ZNF2: variants seen among roughly 807,000 people sequenced by gnomAD.
The protein encoded by ZNF2 is zinc finger protein 2.2.
A neutral mutation model predicts 21.9 loss-of-function variants in ZNF2; 12 were observed. The ratio of observed to expected loss-of-function variants is 0.55; its 90% CI spans 0.35 to 0.89. The LOEUF is 0.89. ZNF2 is among the 40% of genes least tolerant of loss of function. The probability of loss-of-function intolerance (pLI) is 0.01; values close to 1 mark genes in which losing one functional copy is unlikely to be tolerated. For synonymous variants in ZNF2, 186 were observed against 196.3 expected (o/e 0.95, Z 0.44); for missense variants, 462 against 544.2 (o/e 0.85, Z 1.50).
At chr2:95,166,582 C>T (rs1228711284) in intron 1 of ZNF2, among the ~76,000 whole-genome samples, 1 of 151,986 alleles carries the variant, frequency 6.6e-6, no homozygotes, top group African/African-American at 2.4e-5. Flanking sequence ...GGGGAAAGGA[C>T]CAGTAGCAGA....
Position 95,181,083 on chromosome 2 carries a change from C to T in ZNF2, c.275-20C>T. 2 of 1,600,722 alleles carry T rather than the reference C, an allele frequency of 1.2e-6. No homozygotes were observed. Among genetic ancestry groups the T allele is most frequent in the Non-Finnish European group, 1.7e-6 (2 of 1,174,340 alleles). On this transcript the variant is annotated intron_variant, in intron 4 of 4. Coordinates refer to ENST00000614034, the MANE Select transcript of ZNF2 (RefSeq NM_021088.4). ...TCCTAGCCCAGGAAAAAAACTGCAT[C>T]TGTTTTCTGTTTGTTCCAGACTGGG...
At position 95,176,192 on chromosome 2, in the gene ZNF2, C is replaced by G. The variant is rs1476962500; in HGVS notation, c.-35C>G. On this transcript the variant is annotated 5_prime_UTR_variant, in exon 2 of 5. Coordinates refer to ENST00000614034, the MANE Select transcript of ZNF2 (RefSeq NM_021088.4). ...CCCCCACTTCTGCCTCATTAGGACT[C>G]TGCCCTTGTCCACAAGGAGAGCACA... The G allele has an allele frequency of 6.2e-7, 1 of 1,614,140 alleles. No individual in the cohort carries two copies. Among genetic ancestry groups the G allele is most frequent in the South Asian group, 1.1e-5 (1 of 91,082 alleles).
intron 2 of ZNF2, among the ~76,000 whole-genome samples, chr2:95,176,498 T>A (rs150034027): frequency 2.0e-5 from 3 of 152,180 alleles, no homozygotes; most frequent in African/African-American, 7.2e-5. Flanking sequence ...CTGTGAGTGA[T>A]TTTGCCTAGA....
At chr2:95,175,345 G>A (rs1674404485) in intron 1 of ZNF2, among the ~76,000 whole-genome samples, 1 of 152,196 alleles carries the variant, frequency 6.6e-6, no homozygotes, top group African/African-American at 2.4e-5. Flanking sequence ...GTGGTGCTAG[G>A]CGAGGTGAGG....
chr2:95,181,162 A>G lies in ZNF2; in HGVS notation c.334A>G (p.Arg112Gly), dbSNP rs1158938734. Residue 112 changes from arginine (R) to glycine (G), a missense_variant, in exon 5 of 5, where the codon AGG becomes GGG. Coordinates refer to ENST00000614034, the MANE Select transcript of ZNF2 (RefSeq NM_021088.4). ...ASDKKSEGSL[R>G]ECLGRQSPLC... ...AGACAAAAAATCAGAAGGATCATTG[A>G]GGGAATGCCTTGGAAGGCAAAGTCC... 6.2e-7 allele frequency: 1 copy of G among 1,614,110 alleles called. No homozygotes were observed. The highest frequency in any genetic ancestry group is 8.5e-7 in the Non-Finnish European group (1 of 1,180,040).
At position 95,181,537 on chromosome 2, in the gene ZNF2, G is replaced by A; in HGVS notation, c.709G>A (p.Ala237Thr). ...CTACGAGTGCAGTGTGTGCTCAAAA[G>A]CCTTCTTTGACCGTTCGTCCCTAAC... ...SPYECSVCSKAFFDRSSLTVH... is the reference protein window; with the variant it reads ...SPYECSVCSKTFFDRSSLTVH... The change falls in exon 5 of 5, where the codon GCC becomes ACC. Residue 237 changes from alanine to threonine, a missense_variant. By Grantham distance (58) the Ala-to-Thr change is moderately conservative (BLOSUM62 0). Coordinates refer to ENST00000614034, the MANE Select transcript of ZNF2 (RefSeq NM_021088.4). 6.2e-7 allele frequency: 1 copy of A among 1,614,190 alleles called. No homozygotes were observed.
intron 4 of ZNF2, 92 bp from the exon 5 acceptor site, chr2:95,181,011 T>C (rs1674619167): frequency 6.9e-7 from 1 of 1,440,694 alleles, no homozygotes; most frequent in South Asian, 1.3e-5. Flanking sequence ...GCAGTGACCA[T>C]ACATTACTTT....
intron 3 of ZNF2, among the ~76,000 whole-genome samples, chr2:95,178,993 G>GTTTTTTTTT (rs368069255): frequency 1.1e-4 from 14 of 130,460 alleles, no homozygotes; most frequent in Non-Finnish European, 1.3e-4. Flanking sequence ...GGTTTTTTTT[G>GTTTTTTTTT]TTTTTTTTTT....
intron 4 of ZNF2, 35 bp downstream of exon 4, chr2:95,180,307 GT>G (rs1674596836): frequency 3.3e-6 from 5 of 1,495,254 alleles, no homozygotes; most frequent in Non-Finnish European, 4.6e-6. Context: ...ATGGAATTTT[GT>G]TTGGCTTTTT....
intron 3 of ZNF2, among the ~76,000 whole-genome samples, chr2:95,179,366 G>A (rs1164481976): frequency 2.0e-5 from 3 of 152,220 alleles, no homozygotes; most frequent in Non-Finnish European, 4.4e-5. Context: ...AAAATACACT[G>A]TAGGCAAGGT....
intron 1 of ZNF2, among the ~76,000 whole-genome samples, chr2:95,169,641 T>C (rs1250349216): frequency 6.6e-6 from 1 of 151,990 alleles, no homozygotes; most frequent in African/African-American, 2.4e-5. Flanking sequence ...TCCCAGCTAC[T>C]CAGGAGGCTG....
At chr2:95,170,038 G>T (rs1348046272) in intron 1 of ZNF2, among the ~76,000 whole-genome samples, 2 of 152,150 alleles carry the variant, frequency 1.3e-5, no homozygotes, top group Non-Finnish European at 2.9e-5. Flanking sequence ...TTGATTTCAG[G>T]CAGTCTGTCT....
At chr2:95,167,920 G>A (rs1674138638) in intron 1 of ZNF2, among the ~76,000 whole-genome samples, 1 of 152,084 alleles carries the variant, frequency 6.6e-6, no homozygotes, top group Admixed American at 6.5e-5. Flanking sequence ...GAAAAACAGG[G>A]ACTGGAGAAG....
intron 1 of ZNF2, among the ~76,000 whole-genome samples, chr2:95,174,154 G>A (rs1674367206): frequency 6.6e-6 from 1 of 152,220 alleles, no homozygotes; most frequent in Admixed American, 6.5e-5. Flanking sequence ...TGCTTAGGAA[G>A]TGCCCTGGAA....
chr2:95,173,367 A>C (rs1033505416), intron 1 of ZNF2, among the ~76,000 whole-genome samples: 2 of 152,208 alleles, frequency 1.3e-5, no homozygotes, highest in Non-Finnish European at 2.9e-5. Flanking sequence ...TCTTCTCCCC[A>C]GTGACTTGTA....
At chr2:95,168,458 G>A (rs1204520517) in intron 1 of ZNF2, among the ~76,000 whole-genome samples, 1 of 152,008 alleles carries the variant, frequency 6.6e-6, no homozygotes, top group Admixed American at 6.6e-5. Context: ...GGAAGTGCAG[G>A]GACAAATTCT....
At chr2:95,178,769 C>T (rs985937314) in intron 3 of ZNF2, among the ~76,000 whole-genome samples, 1 of 152,140 alleles carries the variant, frequency 6.6e-6, no homozygotes, top group Non-Finnish European at 1.5e-5. Flanking sequence ...GTTCATCACA[C>T]TATTGTTTGT....
chr2:95,181,780 T>C lies in ZNF2; in HGVS notation c.952T>C (p.Cys318Arg), dbSNP rs760202552. ...CAGGAAGCCTTATGAGTGTAACGAG[T>C]GCGGGAAAGCTTTCTATGGTGTCTC... ...TGRKPYECNE[C>R]GKAFYGVSSL... Residue 318 changes from cysteine to arginine, a missense_variant, in exon 5 of 5, where the codon TGC (cysteine) becomes CGC (arginine). By Grantham distance (180) the Cys-to-Arg change is radical. Transcript: ENST00000614034. 9.9e-6 allele frequency: 16 copies of C among 1,614,040 alleles called. No homozygotes were observed. The highest frequency in any genetic ancestry group is 1.4e-5 in the Non-Finnish European group (16 of 1,180,008).
chr2:95,172,838 T>G (rs555527922), intron 1 of ZNF2, among the ~76,000 whole-genome samples: 1 of 152,100 alleles, frequency 6.6e-6, no homozygotes, highest in East Asian at 1.9e-4. Context: ...GATTTCACCA[T>G]GTTGGCCAAG....
Sources: gnomAD v4.1 joint callset for allele counts (sites outside exome capture counted in the v4.1 genomes callset) on GRCh38, gnomAD v4.1.1 for gene constraint, MANE v1.5 for transcripts, NCBI Gene and HGNC (gene_info 2026-07-23, HGNC 2026-07-21) for gene names.